Variants in FOCAD observed in about 807,000 individuals in gnomAD.
FOCAD encodes focadhesin, also known as KIAA1797.
A neutral mutation model predicts 225.6 loss-of-function variants in FOCAD; 198 were observed. The ratio of observed to expected loss-of-function variants is 0.88; its 90% CI spans 0.78 to 0.99. FOCAD has a LOEUF of 0.99. Ranked by LOEUF, FOCAD falls within the 50% of genes least tolerant of loss-of-function variation. The pLI, the probability that FOCAD is intolerant of heterozygous loss-of-function variation, is 0.00. For synonymous variants in FOCAD, 897 were observed against 755.0 expected (o/e 1.19, Z -3.08); for missense variants, 2,713 against 2,123.6 (o/e 1.28, Z -5.46).
chr9:20,658,517 T>G (rs1383878091), intron 1 of FOCAD: 1 of 156,524 alleles, frequency 6.4e-6, no homozygotes, highest in South Asian at 2.0e-4. Flanking sequence ...AAGCGCAGTA[T>G]TCGGGTGGGA....
At chr9:20,716,010 G>T in intron 2 of FOCAD, 1 of 323,702 alleles carries the variant, frequency 3.1e-6, no homozygotes, top group South Asian at 3.1e-5. Flanking sequence ...TGAGAGTAAA[G>T]CTAACAGACC....
intron 2 of FOCAD, among the ~76,000 whole-genome samples, chr9:20,665,234 T>C (rs1821864054): frequency 6.6e-6 from 1 of 152,178 alleles, no homozygotes; most frequent in Non-Finnish European, 1.5e-5. Context: ...AGAATAATTG[T>C]ATAGGTTTCC....
chr9:20,971,434 T>A (rs575239419), intron 35 of FOCAD, among the ~76,000 whole-genome samples: 58 of 152,194 alleles, frequency 3.8e-4, no homozygotes, highest in African/African-American at 1.2e-3. Flanking sequence ...ATAACCATTT[T>A]TTTTTATTTT....
At chr9:20,774,703 T>C (rs890137414) in intron 8 of FOCAD, among the ~76,000 whole-genome samples, 4 of 152,236 alleles carry the variant, frequency 2.6e-5, no homozygotes, top group African/African-American at 9.6e-5. Flanking sequence ...TAAGTGGCTC[T>C]TGAATCTAAT....
Position 20,916,920 on chromosome 9 carries a change from C to T in FOCAD, c.2835C>T (p.Ile945=), listed in dbSNP as rs1833922433. ...LWVRDMLTDE[I]TKAAAKESPV... ...TTAGAGACATGCTGACTGATGAGAT[C>T]ACCAAGGCAGCTGCAAAGTAAGATC... Residue 945 remains isoleucine (I), a synonymous_variant, in exon 24 of 44, where the codon ATC becomes ATT. Transcript: ENST00000338382. The T allele has an allele frequency of 6.2e-7, 1 of 1,604,256 alleles. No homozygotes were observed. The highest frequency in any genetic ancestry group is 8.5e-7 in the Non-Finnish European group (1 of 1,176,600).
At chr9:20,732,528 G>A (rs1484824233) in intron 4 of FOCAD, among the ~76,000 whole-genome samples, 1 of 152,190 alleles carries the variant, frequency 6.6e-6, no homozygotes, top group Non-Finnish European at 1.5e-5. Flanking sequence ...TTCAGACAGT[G>A]CAGCGCATGA....
At chr9:20,913,066 C>A in intron 23 of FOCAD, 112 bp downstream of exon 23, 3 of 686,160 alleles carry the variant, frequency 4.4e-6, no homozygotes, top group South Asian at 1.9e-5. Context: ...TATATGTGAG[C>A]CTGAAGGGGA....
In FOCAD at chr9:20,852,951, G is replaced by C. The variant is rs371271705; in HGVS notation, c.1921-9627G>C. Among the ~76,000 whole-genome samples, 194 of 151,606 alleles carry C rather than the reference G, an allele frequency of 1.3e-3. 6 individuals carry two copies. The South Asian group carries it at 0.039, about 31-fold the overall frequency. ...TCTGTTATTTTCCTTTATTATCTTG[G>C]AGTCTAACCTCTATTAGAAAAGAGG... is the stretch of plus-strand genomic sequence containing the variant. On this transcript the variant is annotated intron_variant, in intron 15 of 43. Coordinates refer to ENST00000338382, the MANE Select transcript of FOCAD (RefSeq NM_001375567.1).
chr9:20,905,198 T>C (rs1397904632), intron 21 of FOCAD, among the ~76,000 whole-genome samples: 1 of 151,986 alleles, frequency 6.6e-6, no homozygotes, highest in East Asian at 1.9e-4. Context: ...GGCTGAAGCT[T>C]TCTACTGTGC....
chr9:20,874,606 A>G, intron 18 of FOCAD, 75 bp from the exon 19 acceptor site: 2 of 1,520,236 alleles, frequency 1.3e-6, no homozygotes, highest in Non-Finnish European at 1.8e-6. Flanking sequence ...TCTTGTCACA[A>G]AAAAGGATAC....
intron 6 of FOCAD, among the ~76,000 whole-genome samples, chr9:20,762,834 G>A (rs1402002730): frequency 1.3e-5 from 2 of 151,954 alleles, no homozygotes; most frequent in Non-Finnish European, 2.9e-5. Flanking sequence ...CCCACCCTCT[G>A]TTTGGAGTCC....
At chr9:20,798,935 A>T (rs1181187304) in intron 11 of FOCAD, among the ~76,000 whole-genome samples, 2 of 151,686 alleles carry the variant, frequency 1.3e-5, no homozygotes, top group Non-Finnish European at 2.9e-5. Context: ...TTTAATTGTG[A>T]TATTAGGGTG....
intron 15 of FOCAD, among the ~76,000 whole-genome samples, chr9:20,860,504 C>G (rs1013909179): frequency 6.6e-6 from 1 of 152,018 alleles, no homozygotes; most frequent in Non-Finnish European, 1.5e-5. Context: ...CCCTGTTATG[C>G]ACTGTTTTCT....
intron 13 of FOCAD, 114 bp downstream of exon 13, chr9:20,820,539 G>A: frequency 3.8e-6 from 3 of 790,060 alleles, no homozygotes; most frequent in Non-Finnish European, 5.9e-6. Context: ...AGTGGCATCA[G>A]TGATTGCATT....
intron 33 of FOCAD, among the ~76,000 whole-genome samples, chr9:20,950,496 T>C (rs1587701891): frequency 6.6e-6 from 1 of 152,316 alleles, no homozygotes; most frequent in East Asian, 1.9e-4. Context: ...ATAATTCTAC[T>C]GAAATTTAAG....
chr9:20,683,690 A>T (rs1822481696), upstream of FOCAD: 1 of 152,392 alleles, frequency 6.6e-6, no homozygotes, highest in South Asian at 2.1e-4. Context: ...TAACAAGTGG[A>T]TATACCACAG....
intron 2 of FOCAD, among the ~76,000 whole-genome samples, chr9:20,678,819 G>A (rs1822313474): frequency 6.6e-6 from 1 of 152,164 alleles, no homozygotes; most frequent in African/African-American, 2.4e-5. Flanking sequence ...GGGCCCCAAT[G>A]TTACTGCGTC....
chr9:20,834,221 T>G (rs1825776341), intron 15 of FOCAD, among the ~76,000 whole-genome samples: 1 of 151,928 alleles, frequency 6.6e-6, no homozygotes, highest in Non-Finnish European at 1.5e-5. Flanking sequence ...ACACCGCATG[T>G]TGTCACTTAT....
chr9:20,931,931 T>A (rs936447730), intron 27 of FOCAD, among the ~76,000 whole-genome samples: 1 of 150,760 alleles, frequency 6.6e-6, no homozygotes, highest in Non-Finnish European at 1.5e-5. Context: ...GGGGGGAGAA[T>A]TATGAAAATC....
Sources: allele counts gnomAD v4.1 joint callset (sites outside exome capture counted in the v4.1 genomes callset), GRCh38; gene constraint gnomAD v4.1.1; transcripts MANE v1.5; gene names NCBI Gene and HGNC (gene_info 2026-07-23, HGNC 2026-07-21).